DNAH14: variants seen among roughly 807,000 people sequenced by gnomAD.
DNAH14 encodes the protein axonemal beta dynein heavy chain 14.
Under a neutral mutation model 520.9 loss-of-function variants are expected in DNAH14, and 478 were observed. The observed-to-expected ratio is 0.92, with a 90% CI of 0.85 to 0.99. DNAH14 has a LOEUF of 0.99. Ranked by LOEUF, DNAH14 falls within the 50% of genes least tolerant of loss-of-function variation. The pLI is 0.00. For missense variants in DNAH14, 4,831 were observed against 5,234.5 expected, an observed-to-expected ratio of 0.92 and a Z score of 2.38; for synonymous variants, 1,581 against 1,757.2, an observed-to-expected ratio of 0.90 and a Z score of 2.51.
At chr1:224,952,534 A>T in intron 1 of DNAH14, 136 bp from the exon 2 acceptor site, 1 of 439,802 alleles carries the variant, frequency 2.3e-6, no homozygotes, top group Non-Finnish European at 4.0e-6. Flanking sequence ...TACTGTATAT[A>T]AGAAACAAAG....
rs374309666 is a variant in DNAH14 at position 225,185,329 on chromosome 1, A to C, written c.5574A>C (p.Gly1858=). Residue 1858 remains glycine (G), a synonymous_variant, in exon 37 of 86, where the codon GGA becomes GGC. Coordinates refer to ENST00000682510, the MANE Select transcript of DNAH14 (RefSeq NM_001367479.1). ...VGVMLVGPTG[G]GKTTVRRILE... is the part of the protein sequence containing the mutation. ...TGATGTTAGTGGGCCCAACAGGTGGAGGAAAGACAACAGTCAGAAGAATTT... is the reference window on the plus strand; with the variant it reads ...TGATGTTAGTGGGCCCAACAGGTGGCGGAAAGACAACAGTCAGAAGAATTT... 3.3e-5 allele frequency: 51 copies of C among 1,547,242 alleles called. No individual in the cohort carries two copies. In the African/African-American group the frequency reaches 6.0e-4, roughly 18 times the overall value.
intron 40 of DNAH14, among the ~76,000 whole-genome samples, 181 bp downstream of exon 40, chr1:225,206,360 T>G (rs1196291178): frequency 6.6e-6 from 1 of 152,228 alleles, no homozygotes; most frequent in Non-Finnish European, 1.5e-5. Context: ...AATGTGAATT[T>G]AATTATTACT....
chr1:225,147,880 A>G (rs917886839), intron 31 of DNAH14, among the ~76,000 whole-genome samples: 2 of 152,218 alleles, frequency 1.3e-5, no homozygotes, highest in Non-Finnish European at 2.9e-5. Context: ...AAGTGAGAAC[A>G]TGAGGTATTT....
chr1:224,989,522 A>G (rs936573927), intron 8 of DNAH14, among the ~76,000 whole-genome samples: 3 of 152,042 alleles, frequency 2.0e-5, no homozygotes, highest in Non-Finnish European at 2.9e-5. Context: ...AATAGGGACA[A>G]TTTATTTCTT....
chr1:225,172,834 C>T (rs945688621), intron 36 of DNAH14, among the ~76,000 whole-genome samples: 3 of 152,162 alleles, frequency 2.0e-5, no homozygotes, highest in African/African-American at 7.2e-5. Context: ...AAGCTGGAGG[C>T]ATCACACTAC....
chr1:225,374,201 A>C (rs1206325229), intron 77 of DNAH14, among the ~76,000 whole-genome samples: 1 of 71,796 alleles, frequency 1.4e-5, no homozygotes, highest in African/African-American at 4.6e-5. Flanking sequence ...AGTAAATATA[A>C]ACTATTCTAG....
intron 1 of DNAH14, among the ~76,000 whole-genome samples, chr1:224,930,150 A>T (rs1207536183): frequency 6.6e-6 from 1 of 152,208 alleles, no homozygotes; most frequent in African/African-American, 2.4e-5. Context: ...GAAGTTTTTT[A>T]AAATTTTCCA....
In DNAH14 at chr1:225,057,452, T is replaced by C. The variant is rs531928295; in HGVS notation, c.2424+5657T>C. Among the ~76,000 whole-genome samples the C allele has an allele frequency of 4.6e-5, 7 of 152,322 alleles. No individual in the cohort carries two copies. In the East Asian group the frequency reaches 1.4e-3, roughly 29 times the overall value. ...GGCTGAGACAATGGGGTTTTCTAGA[T>C]ATACAATCATGTCATCTGCAAACAG... On this transcript the variant is annotated intron_variant, in intron 17 of 85. Coordinates refer to ENST00000682510, the MANE Select transcript of DNAH14 (RefSeq NM_001367479.1).
At chr1:224,972,806 A>G (rs1380434810) in intron 7 of DNAH14, among the ~76,000 whole-genome samples, 1 of 152,176 alleles carries the variant, frequency 6.6e-6, no homozygotes, top group African/African-American at 2.4e-5. Context: ...TTAGATCACT[A>G]TATTATAAAA....
intron 17 of DNAH14, among the ~76,000 whole-genome samples, chr1:225,074,036 G>A (rs2071911147): frequency 9.5e-6 from 1 of 105,676 alleles, no homozygotes; most frequent in African/African-American, 3.8e-5. Flanking sequence ...GTCTCGCTCT[G>A]TCGCCCAGGC....
intron 37 of DNAH14, among the ~76,000 whole-genome samples, chr1:225,191,607 T>C (rs2085450474): frequency 6.6e-6 from 1 of 152,050 alleles, no homozygotes; most frequent in South Asian, 2.1e-4. Context: ...AATTGGAAAA[T>C]TTGGGGCCAG....
At chr1:224,999,232 A>G (rs2063591841) in intron 8 of DNAH14, among the ~76,000 whole-genome samples, 1 of 151,730 alleles carries the variant, frequency 6.6e-6, no homozygotes, top group South Asian at 2.1e-4. Flanking sequence ...TTGAGATGGA[A>G]TTTCACTCTT....
At position 225,150,380 on chromosome 1, in the gene DNAH14, T is replaced by G. The variant is rs538211749; in HGVS notation, c.4941-1625T>G. On this transcript the variant is annotated intron_variant, in intron 31 of 85. Transcript: ENST00000682510. ...TTCTTGTTGTTGTGTCTTTGCCAGG[T>G]TTTAGTGTTAGGATGATGCTGTTCC... Among the ~76,000 whole-genome samples, 8 of 152,192 alleles carry G rather than the reference T, an allele frequency of 5.3e-5. No homozygotes were observed. The South Asian group carries it at 1.7e-3, about 32-fold the overall frequency.
At chr1:225,352,315 G>A (rs1385159403) in intron 72 of DNAH14, among the ~76,000 whole-genome samples, 5 of 151,802 alleles carry the variant, frequency 3.3e-5, no homozygotes, top group South Asian at 2.1e-4. Context: ...TCCGTTTTTC[G>A]CTACTACCTT....
chr1:225,105,500 A>G (rs1370754059), intron 23 of DNAH14, among the ~76,000 whole-genome samples: 1 of 152,184 alleles, frequency 6.6e-6, no homozygotes, highest in Non-Finnish European at 1.5e-5. Flanking sequence ...AAAGTCTCCC[A>G]TTATTATTGT....
chr1:225,060,307 A>T (rs113153113), intron 17 of DNAH14, among the ~76,000 whole-genome samples: 6,340 of 152,176 alleles, frequency 0.042, 218 homozygotes, highest in Non-Finnish European at 0.061. Context: ...TGATCGAATC[A>T]ACTACTGAGG....
chr1:225,221,003 C>T (rs2090000106), intron 41 of DNAH14, among the ~76,000 whole-genome samples: 1 of 152,140 alleles, frequency 6.6e-6, no homozygotes, highest in South Asian at 2.1e-4. Flanking sequence ...TAACACCACA[C>T]ATCTACAACC....
intron 11 of DNAH14, among the ~76,000 whole-genome samples, chr1:225,031,010 A>G (rs2066483289): frequency 6.6e-6 from 1 of 151,998 alleles, no homozygotes; most frequent in South Asian, 2.1e-4. Context: ...AGCCCTGAAC[A>G]TGGTAGACTT....
chr1:225,014,821 T>C (rs2065081121), intron 10 of DNAH14, among the ~76,000 whole-genome samples: 1 of 152,224 alleles, frequency 6.6e-6, no homozygotes, highest in African/African-American at 2.4e-5. Flanking sequence ...ATTTAGTTTA[T>C]TGTTTAGTTC....
Sources: allele counts gnomAD v4.1 joint callset (sites outside exome capture counted in the v4.1 genomes callset), GRCh38; gene constraint gnomAD v4.1.1; transcripts MANE v1.5; gene names NCBI Gene and HGNC (gene_info 2026-07-23, HGNC 2026-07-21).